RYR3: variants seen among roughly 807,000 people sequenced by gnomAD.
The protein encoded by RYR3 is ryanodine receptor 3.
In RYR3, 207 loss-of-function variants were observed where a neutral mutation model predicts 584.3. That is an observed-to-expected ratio of 0.35 (90% CI 0.32 to 0.40). RYR3 has a LOEUF of 0.40. RYR3 is among the 10% of genes least tolerant of loss of function. The probability of loss-of-function intolerance (pLI) is 1.00; values close to 1 mark genes in which losing one functional copy is unlikely to be tolerated. For synonymous variants in RYR3, 2,416 were observed against 2,248.5 expected (o/e 1.07, Z -2.11); for missense variants, 5,616 against 6,089.2 (o/e 0.92, Z 2.59).
chr15:33,462,415 A>G (rs1449230684), intron 1 of RYR3, among the ~76,000 whole-genome samples: 2 of 152,218 alleles, frequency 1.3e-5, no homozygotes, highest in Admixed American at 6.5e-5. Context: ...ATGAGGCGCT[A>G]CAAGTAGAAA....
intron 83 of RYR3, among the ~76,000 whole-genome samples, 180 bp downstream of exon 83, chr15:33,826,449 C>A (rs573850593): frequency 6.6e-6 from 1 of 152,140 alleles, no homozygotes; most frequent in Non-Finnish European, 1.5e-5. Flanking sequence ...GGACCGTGAG[C>A]CATTTACTCT....
chr15:33,388,404 A>T (rs1357086973), intron 1 of RYR3, among the ~76,000 whole-genome samples: 1 of 152,230 alleles, frequency 6.6e-6, no homozygotes, highest in Non-Finnish European at 1.5e-5. Context: ...CCAGGTTGAC[A>T]GCTGAATTTT....
At chr15:33,723,631 C>T (rs140682261) in intron 44 of RYR3, among the ~76,000 whole-genome samples, 127 of 152,288 alleles carry the variant, frequency 8.3e-4, no homozygotes, top group African/African-American at 2.9e-3. Flanking sequence ...CCTACACATA[C>T]GCTTTCGCCA....
At chr15:33,479,282 T>C (rs573351630) in intron 2 of RYR3, among the ~76,000 whole-genome samples, 2 of 152,246 alleles carry the variant, frequency 1.3e-5, no homozygotes, top group African/African-American at 4.8e-5. Context: ...TACTGTTTCC[T>C]CCTAAAAAAT....
At chr15:33,346,159 A>G (rs1440642312) in intron 1 of RYR3, among the ~76,000 whole-genome samples, 3 of 152,346 alleles carry the variant, frequency 2.0e-5, no homozygotes, top group Admixed American at 6.5e-5. Context: ...AATAGAGGTG[A>G]CAGGTGATTC....
chr15:33,694,606 T>G (rs188224422), intron 38 of RYR3, among the ~76,000 whole-genome samples: 1 of 152,156 alleles, frequency 6.6e-6, no homozygotes, highest in South Asian at 2.1e-4. Flanking sequence ...AATATATACA[T>G]GTGAATTAAC....
rs79623015 is a variant in RYR3 at position 33,469,292 on chromosome 15, G to A, written c.52-4127G>A. ...AGGCATGGAAATAGGGAAACCCAAC[G>A]CTACAGGGAAGAAGTTAGGATGATA... On this transcript the variant is annotated intron_variant, in intron 1 of 103. Coordinates refer to ENST00000634891, the MANE Select transcript of RYR3 (RefSeq NM_001036.6). Among the ~76,000 whole-genome samples, 835 of 152,186 alleles carry A rather than the reference G, an allele frequency of 5.5e-3. 10 individuals are homozygous for A. The highest frequency in any genetic ancestry group is 0.018 in the African/African-American group (751 of 41,536).
At chr15:33,616,874 C>T (rs2060477517) in intron 19 of RYR3, among the ~76,000 whole-genome samples, 1 of 152,228 alleles carries the variant, frequency 6.6e-6, no homozygotes, top group Non-Finnish European at 1.5e-5. Context: ...GCCTCTAGTG[C>T]ATCACATGAT....
chr15:33,331,790 A>C (rs574045734), intron 1 of RYR3, among the ~76,000 whole-genome samples: 2 of 152,222 alleles, frequency 1.3e-5, no homozygotes, highest in Non-Finnish European at 2.9e-5. Context: ...AATTAAAATA[A>C]AGTGATAAAT....
chr15:33,594,447 A>T (rs1457761454), intron 16 of RYR3, among the ~76,000 whole-genome samples: 1 of 152,250 alleles, frequency 6.6e-6, no homozygotes, highest in African/African-American at 2.4e-5. Context: ...TAAAAGCCGT[A>T]AATAGCTTAA....
intron 3 of RYR3, among the ~76,000 whole-genome samples, chr15:33,524,371 A>G (rs996440467): frequency 6.6e-5 from 10 of 152,206 alleles, no homozygotes; most frequent in Non-Finnish European, 1.5e-4. Flanking sequence ...TTTAATAGGT[A>G]AAGCATAGAA....
intron 60 of RYR3, 168 bp downstream of exon 60, chr15:33,757,764 T>C (rs1235899024): frequency 1.4e-6 from 1 of 710,196 alleles, no homozygotes; most frequent in South Asian, 1.9e-5. Context: ...CTGAATTATT[T>C]CAGCAACCAA....
chr15:33,469,127 A>G (rs143330275), intron 1 of RYR3, among the ~76,000 whole-genome samples: 154 of 152,322 alleles, frequency 1.0e-3, no homozygotes, highest in African/African-American at 3.6e-3. Flanking sequence ...TGATATTGCT[A>G]TGGAAATTCA....
At position 33,311,258 on chromosome 15, in the gene RYR3, G is replaced by A. The variant is rs981739860; in HGVS notation, c.51+162G>A. 2.0e-5 allele frequency among the ~76,000 whole-genome samples: 3 copies of A among 152,122 alleles called. No homozygotes were observed. The highest frequency in any genetic ancestry group is 6.5e-5 in the Admixed American group (1 of 15,286). The stretch of plus-strand genomic sequence containing the variant: ...AGGCGGACCGGCCACCTACCCGCGG[G>A]GCCGCGAGGGGCTGCGTGGGAAGGG... On this transcript the variant is annotated intron_variant, in intron 1 of 103. Transcript: ENST00000634891. The surrounding 1 kb of genome is among the most constrained non-coding windows in gnomAD (Gnocchi z 4.4).
At chr15:33,702,321 A>C (rs1456365425) in intron 42 of RYR3, among the ~76,000 whole-genome samples, 1 of 152,238 alleles carries the variant, frequency 6.6e-6, no homozygotes, top group Non-Finnish European at 1.5e-5. Context: ...AGTTTCAGTA[A>C]GAAGAACTGA....
chr15:33,707,941 T>C (rs2066835165), intron 43 of RYR3, among the ~76,000 whole-genome samples: 1 of 152,228 alleles, frequency 6.6e-6, no homozygotes, highest in African/African-American at 2.4e-5. Flanking sequence ...TACTATACTA[T>C]AGTCTTAATA....
chr15:33,415,981 AC>A lies in RYR3; in HGVS notation c.52-57437del, dbSNP rs561202958. 3.6e-4 allele frequency among the ~76,000 whole-genome samples: 55 copies of A among 152,164 alleles called. 1 individual carries two copies. Among genetic ancestry groups the A allele is most frequent in the African/African-American group, 1.3e-3 (54 of 41,532 alleles). On this transcript the variant is annotated intron_variant, in intron 1 of 103. Coordinates refer to ENST00000634891, the MANE Select transcript of RYR3 (RefSeq NM_001036.6). ...TGGGTTTCTGTTTCTGTGTTAATTC[AC>A]TTAGGATAATGGCCTCCAGCTGCAT...
intron 38 of RYR3, among the ~76,000 whole-genome samples, chr15:33,672,637 TGGAGAC>T (rs1255384038): frequency 5.3e-5 from 8 of 152,188 alleles, no homozygotes; most frequent in Admixed American, 5.2e-4. Flanking sequence ...TATGATCAGA[TGGAGAC>T]AAGGTTGCTG....
intron 46 of RYR3, among the ~76,000 whole-genome samples, chr15:33,728,392 T>C (rs975458391): frequency 9.2e-5 from 14 of 152,256 alleles, no homozygotes; most frequent in African/African-American, 3.1e-4. Flanking sequence ...TTACCTTTTT[T>C]AAATATCTAC....
Sources: gnomAD v4.1 joint callset for allele counts (sites outside exome capture counted in the v4.1 genomes callset) on GRCh38, gnomAD v4.1.1 for gene constraint, Gnocchi (gnomAD v3.1) non-coding constraint, MANE v1.5 for transcripts, NCBI Gene and HGNC (gene_info 2026-07-23, HGNC 2026-07-21) for gene names.